Variants in MYT1L observed in about 807,000 individuals in gnomAD.
The protein encoded by MYT1L is myelin transcription factor 1 like.
MYT1L carries 12 observed loss-of-function variants against 126.7 expected under a neutral mutation model. The ratio of observed to expected loss-of-function variants is 0.09; its 90% confidence interval spans 0.06 to 0.15. The LOEUF is 0.15. MYT1L is among the 10% of genes least tolerant of loss of function. The pLI, the probability that MYT1L is intolerant of heterozygous loss-of-function variation, is 1.00. For synonymous variants in MYT1L, 541 were observed against 604.2 expected (o/e 0.90, Z 1.53); for missense variants, 979 against 1,585.2 (o/e 0.62, Z 6.49).
At chr2:1,896,656 T>G (rs1243510017) in intron 14 of MYT1L, among the ~76,000 whole-genome samples, 3 of 152,072 alleles carry the variant, frequency 2.0e-5, no homozygotes, top group African/African-American at 7.2e-5. Context: ...CACAGGGACA[T>G]AAACATGGGA....
intron 2 of MYT1L, among the ~76,000 whole-genome samples, chr2:2,178,131 T>C (rs1174760197): frequency 6.6e-6 from 1 of 152,192 alleles, no homozygotes; most frequent in Non-Finnish European, 1.5e-5. Flanking sequence ...AGAAAATCCA[T>C]GTAACATTTA....
intron 21 of MYT1L, among the ~76,000 whole-genome samples, chr2:1,835,244 A>C (rs1039064886): frequency 2.6e-5 from 4 of 152,224 alleles, no homozygotes; most frequent in African/African-American, 7.2e-5. Context: ...GTACTGACTC[A>C]ATATCATAGC....
At chr2:2,005,840 C>G in intron 4 of MYT1L, among the ~76,000 whole-genome samples, 1 of 148,844 alleles carries the variant, frequency 6.7e-6, no homozygotes, top group South Asian at 2.2e-4. Context: ...TGCCTTCTTT[C>G]CTGCCTGCTT....
chr2:2,094,375 G>C (rs890133855), intron 3 of MYT1L, among the ~76,000 whole-genome samples: 1 of 152,092 alleles, frequency 6.6e-6, no homozygotes, highest in East Asian at 1.9e-4. Context: ...GATTTCTCAG[G>C]GATCTAGAAC....
At chr2:2,016,167 C>T (rs2064365875) in intron 4 of MYT1L, among the ~76,000 whole-genome samples, 4 of 152,232 alleles carry the variant, frequency 2.6e-5, no homozygotes, top group Non-Finnish European at 5.9e-5. Flanking sequence ...GGGGACAACG[C>T]TGTGGTGAAA....
rs2095788563 is a variant in MYT1L, at chr2:2,301,699, C to T, written c.-520-17196G>A. Among the ~76,000 whole-genome samples, 8 of 151,812 alleles carry T rather than the reference C, an allele frequency of 5.3e-5. No homozygotes were observed. The South Asian group carries it at 1.7e-3, about 32-fold the overall frequency. On this transcript the variant is annotated intron_variant, in intron 1 of 24. Coordinates refer to ENST00000647738, the MANE Select transcript of MYT1L (RefSeq NM_001303052.2). ...TTAAAAAGTTAGCCAGGCATGATGG[C>T]ACCTGCCTGTAGTCCCAGCTACTCA...
At chr2:2,200,099 A>G (rs1224577094) in intron 2 of MYT1L, among the ~76,000 whole-genome samples, 1 of 152,120 alleles carries the variant, frequency 6.6e-6, no homozygotes, top group Non-Finnish European at 1.5e-5. Flanking sequence ...CCACCGTGGC[A>G]CTATAGGAAG....
intron 23 of MYT1L, among the ~76,000 whole-genome samples, chr2:1,798,948 G>A (rs1455701391): frequency 6.6e-6 from 1 of 152,212 alleles, no homozygotes; most frequent in African/African-American, 2.4e-5. Flanking sequence ...AAGAACATCA[G>A]GCTCTAAGCT....
chr2:1,918,968 C>T (rs184014360), intron 10 of MYT1L, among the ~76,000 whole-genome samples: 3 of 152,216 alleles, frequency 2.0e-5, no homozygotes, highest in Non-Finnish European at 4.4e-5. Flanking sequence ...AGTAAGTGCA[C>T]AGTAACAGTT....
intron 3 of MYT1L, among the ~76,000 whole-genome samples, chr2:2,129,831 G>A (rs1393312153): frequency 2.6e-5 from 4 of 151,746 alleles, no homozygotes; most frequent in Admixed American, 6.6e-5. Context: ...GCGTGAACCC[G>A]GGAGGCGGAG....
chr2:2,143,289 CAA>C (rs781544456), intron 3 of MYT1L, among the ~76,000 whole-genome samples: 64 of 55,012 alleles, frequency 1.2e-3, no homozygotes, highest in African/African-American at 2.4e-3. Context: ...GACTCCGTCT[CAA>C]AAAAAAAAAA....
At chr2:2,203,709 C>T (rs1008585957) in intron 2 of MYT1L, among the ~76,000 whole-genome samples, 6 of 152,112 alleles carry the variant, frequency 3.9e-5, no homozygotes, top group Non-Finnish European at 5.9e-5. Flanking sequence ...AGATTCAATG[C>T]CATCCCCATC....
Position 2,065,545 on chromosome 2 carries a change from C to T in MYT1L, c.-303-11422G>A, listed in dbSNP as rs552429810. ...GAGTAGCCATTTTAATCACCCTCCC[C>T]TAACCTGAAATTACCAGCCTCAGTA... On this transcript the variant is annotated intron_variant, in intron 3 of 24. Coordinates refer to ENST00000647738, the MANE Select transcript of MYT1L (RefSeq NM_001303052.2). Among the ~76,000 whole-genome samples, 65 of 152,124 alleles carry T rather than the reference C, an allele frequency of 4.3e-4. No homozygotes were observed. The East Asian group carries it at 0.012, about 29-fold the overall frequency.
chr2:2,072,279 A>AT (rs1355591031), intron 3 of MYT1L, among the ~76,000 whole-genome samples: 1 of 152,150 alleles, frequency 6.6e-6, no homozygotes, highest in Non-Finnish European at 1.5e-5. Context: ...ACTATGTGGG[A>AT]TTTTGCCTAC....
At chr2:1,972,205 A>C (rs73188473) in intron 8 of MYT1L, among the ~76,000 whole-genome samples, 5,974 of 152,274 alleles carry the variant, frequency 0.039, 344 homozygotes, top group African/African-American at 0.13. Context: ...ATTGTACAGC[A>C]GCCACACGTT....
intron 5 of MYT1L, among the ~76,000 whole-genome samples, chr2:1,989,904 A>G (rs1476815571): frequency 2.0e-5 from 3 of 152,202 alleles, no homozygotes; most frequent in Admixed American, 6.5e-5. Flanking sequence ...AGGCTGAGAC[A>G]GGAGAATTGC....
chr2:1,986,423 C>T (rs1205008749), intron 5 of MYT1L, among the ~76,000 whole-genome samples: 1 of 152,112 alleles, frequency 6.6e-6, no homozygotes, highest in Non-Finnish European at 1.5e-5. Context: ...TGGGAAAATC[C>T]TGGGATTCCC....
At chr2:2,296,554 T>C (rs954740344) in intron 1 of MYT1L, among the ~76,000 whole-genome samples, 2 of 152,212 alleles carry the variant, frequency 1.3e-5, no homozygotes, top group African/African-American at 2.4e-5. Context: ...AGCAGATGTT[T>C]TGTTTTTTTC....
At chr2:1,911,923 G>A in intron 12 of MYT1L, 97 bp downstream of exon 12, 2 of 915,330 alleles carry the variant, frequency 2.2e-6, no homozygotes, top group East Asian at 2.9e-5. Flanking sequence ...AGCACGGTGG[G>A]GAGCACCATA....
Sources: gnomAD v4.1 joint callset for allele counts (sites outside exome capture counted in the v4.1 genomes callset) on GRCh38, gnomAD v4.1.1 for gene constraint, MANE v1.5 for transcripts, NCBI Gene and HGNC (gene_info 2026-07-23, HGNC 2026-07-21) for gene names.